Variants in RGMA observed in about 807,000 individuals in gnomAD.
RGMA encodes the protein repulsive guidance molecule BMP co-receptor a.
Under a neutral mutation model 23.2 loss-of-function variants are expected in RGMA, and 10 were observed. That is an observed-to-expected ratio of 0.43 (90% CI 0.27 to 0.73). The LOEUF is 0.73. RGMA is among the 30% of genes least tolerant of loss of function. RGMA has a pLI of 0.20. For missense variants in RGMA, 547 were observed against 630.5 expected (o/e 0.87, Z 1.42); for synonymous variants, 308 against 279.3 (o/e 1.10, Z -1.03).
intron 2 of RGMA, chr15:93,066,370 G>A: frequency 1.3e-6 from 1 of 743,976 alleles, no homozygotes. Flanking sequence ...AGCAGCACCA[G>A]CTTGTTCGCG....
chr15:93,072,498 C>T (rs901845234), intron 2 of RGMA, among the ~76,000 whole-genome samples: 1 of 152,114 alleles, frequency 6.6e-6, no homozygotes, highest in South Asian at 2.1e-4. Context: ...GCGACCCTGG[C>T]TCCACCCCTG....
At chr15:93,074,020 G>A (rs1490223477) in intron 1 of RGMA, 2 of 1,379,636 alleles carry the variant, frequency 1.4e-6, no homozygotes, top group Non-Finnish European at 1.9e-6. Context: ...TTATTTTTCT[G>A]GGAAAGAAAC....
chr15:93,038,961 G>C lies in RGMA; in HGVS notation c.*6037C>G, dbSNP rs1185450389. ...GTGTGTCTGTGAGGCTGTCGCCAAA[G>C]GAAATTAACATTTGAGTCAGTGAAC... On this transcript the variant is annotated 3_prime_UTR_variant, in exon 4 of 4. Coordinates refer to ENST00000329082, the MANE Select transcript of RGMA (RefSeq NM_020211.3). 6.6e-6 allele frequency: 1 copy of C among 152,192 alleles called. No homozygotes were observed. Among genetic ancestry groups the C allele is most frequent in the Non-Finnish European group, 1.5e-5 (1 of 68,050 alleles). 9.4% of individuals were successfully genotyped at this position (152,192 alleles called of 1,614,324 possible). A position where few individuals can be genotyped will look rare whatever the true frequency, so the allele number is the denominator to read the frequency against.
chr15:93,065,711 G>T, intron 2 of RGMA: 1 of 1,198,312 alleles, frequency 8.3e-7, no homozygotes, highest in Non-Finnish European at 1.2e-6. Context: ...CGTGGGCCCT[G>T]GGGCTCAGGC....
At position 93,088,822 on chromosome 15, in the gene RGMA, C is replaced by T. The variant is rs1895685886; in HGVS notation, c.14+97G>A. On this transcript the variant is annotated intron_variant, in intron 1 of 3. Transcript: ENST00000329082. Reference sequence around the variant, plus strand: ...GATGGGAGCAAGATGAGACGCGGGGCTAAGGAAGACCAAAGCAGCGCCGTG... The same window carrying T: ...GATGGGAGCAAGATGAGACGCGGGGTTAAGGAAGACCAAAGCAGCGCCGTG... The T allele has an allele frequency of 5.1e-6, 6 of 1,166,242 alleles. No individual in the cohort carries two copies. The East Asian group carries it at 1.8e-4, about 36-fold the overall frequency. 72.2% of individuals were successfully genotyped at this position (1,166,242 alleles called of 1,614,324 possible).
In RGMA at chr15:93,045,803, G is replaced by T; in HGVS notation, c.646-98C>A. On this transcript the variant is annotated intron_variant, in intron 3 of 3. Transcript: ENST00000329082. The surrounding 1 kb of genome is among the most constrained non-coding windows in gnomAD (Gnocchi z 6.9). ...TCTAGACTGAGAGGAGGGCAGGAAG[G>T]ATCCCCAGGGATGCCCCAGACACTC... 6 of 843,538 alleles carry T rather than the reference G, an allele frequency of 7.1e-6. No homozygotes were observed. Among genetic ancestry groups the T allele is most frequent in the Non-Finnish European group, 1.1e-5 (6 of 529,460 alleles). The allele number at this position is 843,538 out of a possible 1,614,324, so 52.3% of individuals were successfully genotyped here. A position where few individuals can be genotyped will look rare whatever the true frequency, so the allele number is the denominator to read the frequency against.
chr15:93,066,678 G>A (rs1278311545), intron 2 of RGMA: 5 of 388,276 alleles, frequency 1.3e-5, no homozygotes, highest in Non-Finnish European at 2.5e-5. Context: ...ACCGGCCCCC[G>A]CCGCCGCCCG....
At chr15:93,062,438 G>A (rs1479665151) in intron 2 of RGMA, among the ~76,000 whole-genome samples, 1 of 152,228 alleles carries the variant, frequency 6.6e-6, no homozygotes, top group Non-Finnish European at 1.5e-5. Context: ...GTGATGAAGG[G>A]CAAAGATCTG....
chr15:93,053,609 C>A (rs2054964098), intron 2 of RGMA, among the ~76,000 whole-genome samples: 1 of 152,212 alleles, frequency 6.6e-6, no homozygotes, highest in African/African-American at 2.4e-5. Flanking sequence ...CAAGAACAGA[C>A]ACATTTGAGG....
In RGMA at chr15:93,039,893, A is replaced by G. The variant is rs2054704536; in HGVS notation, c.*5105T>C. On this transcript the variant is annotated 3_prime_UTR_variant, in exon 4 of 4. Transcript: ENST00000329082. ...CAGCGGCCCCAAGTCACCTCCATAT[A>G]GTAACTAGAACAATTCCTTTAATAC... 6.6e-6 allele frequency: 1 copy of G among 152,206 alleles called. No individual in the cohort carries two copies. The highest frequency in any genetic ancestry group is 1.5e-5 in the Non-Finnish European group (1 of 68,108). The allele number at this position is 152,206 out of a possible 1,614,324, so 9.4% of individuals were successfully genotyped here.
chr15:93,075,280 G>GT (rs950360121), intron 1 of RGMA, among the ~76,000 whole-genome samples: 16 of 151,450 alleles, frequency 1.1e-4, no homozygotes, highest in East Asian at 3.9e-4. Flanking sequence ...ACATACAGTA[G>GT]TTTTTTTTTC....
At position 93,044,724 on chromosome 15, in the gene RGMA, T is replaced by TTTCACACA; in HGVS notation, c.*266_*273dup. On this transcript the variant is annotated 3_prime_UTR_variant, in exon 4 of 4. Transcript: ENST00000329082. ...TGGGGGGCTTCAGCCTGAGGGGATG[T>TTTCACACA]TTCACACATTCACACTGCAGGGGCG... 2.1e-6 allele frequency: 1 copy of TTTCACACA among 487,340 alleles called. No homozygotes were observed. The highest frequency in any genetic ancestry group is 3.4e-5 in the East Asian group (1 of 29,160). The allele number at this position is 487,340 out of a possible 1,614,324, so 30.2% of individuals were successfully genotyped here.
intron 2 of RGMA, among the ~76,000 whole-genome samples, chr15:93,072,667 G>A (rs1895368098): frequency 6.6e-6 from 1 of 152,142 alleles, no homozygotes; most frequent in South Asian, 2.1e-4. Flanking sequence ...GAGGCACCCC[G>A]GCCCCTGCGC....
At chr15:93,064,370 A>C (rs1476715810) in intron 2 of RGMA, among the ~76,000 whole-genome samples, 1 of 152,234 alleles carries the variant, frequency 6.6e-6, no homozygotes, top group Non-Finnish European at 1.5e-5. Flanking sequence ...TCCAGCTTTG[A>C]GGCATACCTC....
chr15:93,073,722 G>A, intron 1 of RGMA: 1 of 1,537,210 alleles, frequency 6.5e-7, no homozygotes, highest in Non-Finnish European at 8.7e-7. Context: ...AACGCACCTC[G>A]AGGTTCCCGC....
chr15:93,077,337 T>A (rs970502935), intron 1 of RGMA, among the ~76,000 whole-genome samples: 27 of 152,212 alleles, frequency 1.8e-4, no homozygotes, highest in African/African-American at 6.5e-4. Context: ...CTCTGTGGGG[T>A]AGAGCCTGGG....
At chr15:93,067,487 G>C (rs976795818) in intron 2 of RGMA, among the ~76,000 whole-genome samples, 2 of 152,182 alleles carry the variant, frequency 1.3e-5, no homozygotes, top group Non-Finnish European at 2.9e-5. Context: ...AAAAACGTAA[G>C]GCCCATGAGG....
intron 1 of RGMA, chr15:93,074,105 T>TGA (rs1895428969): frequency 2.1e-5 from 20 of 942,312 alleles, no homozygotes; most frequent in Non-Finnish European, 2.8e-5. Context: ...TAACTTCCCC[T>TGA]GAGAGACATC....
At chr15:93,078,963 C>A (rs1480097423) in intron 1 of RGMA, among the ~76,000 whole-genome samples, 1 of 152,250 alleles carries the variant, frequency 6.6e-6, no homozygotes, top group African/African-American at 2.4e-5. Flanking sequence ...AATGCATTAA[C>A]AGACTTGCGC....
Sources: allele counts gnomAD v4.1 joint callset (sites outside exome capture counted in the v4.1 genomes callset), GRCh38; gene constraint gnomAD v4.1.1; non-coding constraint Gnocchi (gnomAD v3.1); transcripts MANE v1.5; gene names NCBI Gene and HGNC (gene_info 2026-07-23, HGNC 2026-07-21).